SMCHD1: variants seen among roughly 807,000 people sequenced by gnomAD.
SMCHD1 encodes the protein structural maintenance of chromosomes flexible hinge domain-containing protein 1.
In SMCHD1, 78 loss-of-function variants were observed where a neutral mutation model predicts 254.7. That is an observed-to-expected ratio of 0.31 (90% CI 0.26 to 0.37). The LOEUF (loss-of-function observed/expected upper bound fraction) is 0.37, where lower values mean the gene tolerates loss of function less well. SMCHD1 is among the 10% of genes least tolerant of loss of function. SMCHD1 has a pLI of 1.00. For synonymous variants in SMCHD1, 766 were observed against 794.9 expected, an observed-to-expected ratio of 0.96 and a Z score of 0.61; for missense variants, 1,840 against 2,408.1, an observed-to-expected ratio of 0.76 and a Z score of 4.94.
chr18:2,756,973 CTT>C (rs1466524624), intron 34 of SMCHD1, among the ~76,000 whole-genome samples: 2 of 152,012 alleles, frequency 1.3e-5, no homozygotes, highest in African/African-American at 2.4e-5. Flanking sequence ...AAAGAACAAA[CTT>C]TGGGCTTTTA....
chr18:2,667,283 C>T (rs1250558661), intron 3 of SMCHD1, among the ~76,000 whole-genome samples: 1 of 152,168 alleles, frequency 6.6e-6, no homozygotes, highest in Non-Finnish European at 1.5e-5. Flanking sequence ...GGGGTCTTGA[C>T]CTATACAGCT....
At position 2,657,981 on chromosome 18, in the gene SMCHD1, G is replaced by A. The variant is rs377488140; in HGVS notation, c.186+1720G>A. On this transcript the variant is annotated intron_variant, in intron 1 of 47. Transcript: ENST00000320876. ...TTTTTTTCGTATTTTTCGTACATAC[G>A]GGGGTTTGGCTGTGTTGCCCAGGCT... is the stretch of plus-strand genomic sequence containing the variant. 7.3e-4 allele frequency among the ~76,000 whole-genome samples: 110 copies of A among 151,506 alleles called. 2 individuals are homozygous for A. In the South Asian group the frequency reaches 0.019, roughly 26 times the overall value.
intron 7 of SMCHD1, among the ~76,000 whole-genome samples, chr18:2,694,171 T>G (rs7242038): frequency 0.2 from 31,094 of 152,110 alleles, 3,419 homozygotes; most frequent in East Asian, 0.33. Flanking sequence ...AAGTGGTAGG[T>G]CTCCCAAGCA....
rs561439889 is a variant in SMCHD1 at position 2,748,380 on chromosome 18, G to GTGTGTGTATA, written c.3927+736_3927+737insGTGTATATGT. Among the ~76,000 whole-genome samples the GTGTGTGTATA allele has an allele frequency of 1.9e-4, 15 of 80,248 alleles. 1 individual carries two copies. Among genetic ancestry groups the GTGTGTGTATA allele is most frequent in the African/African-American group, 6.9e-4 (10 of 14,560 alleles). The allele number at this position is 80,248 out of a possible 152,430, so 52.6% of individuals were successfully genotyped here. A position where few individuals can be genotyped will look rare whatever the true frequency, so the allele number is the denominator to read the frequency against. Reference sequence around the variant, plus strand: ...TGTGTGTGTGTGTGTGTGTGTGTGTGTGTATATAAATTTTTTTTTTTTTTT... The same window carrying GTGTGTGTATA: ...TGTGTGTGTGTGTGTGTGTGTGTGTGTGTGTGTATATGTATATAAATTTTTTTTTTTTTTT... On this transcript the variant is annotated intron_variant, in intron 30 of 47. Coordinates refer to ENST00000320876, the MANE Select transcript of SMCHD1 (RefSeq NM_015295.3).
chr18:2,741,442 T>C (rs1366774258), intron 28 of SMCHD1, among the ~76,000 whole-genome samples: 1 of 152,182 alleles, frequency 6.6e-6, no homozygotes, highest in African/African-American at 2.4e-5. Context: ...ATTTAGATCA[T>C]TGAATGCTTT....
chr18:2,778,354 A>T, intron 44 of SMCHD1, 115 bp downstream of exon 44: 2 of 683,448 alleles, frequency 2.9e-6, no homozygotes, highest in Non-Finnish European at 4.7e-6. Context: ...AAATTCTGCA[A>T]ATTGATAAGC....
chr18:2,675,262 C>CTTTT (rs35137947), intron 5 of SMCHD1, among the ~76,000 whole-genome samples: 6 of 129,684 alleles, frequency 4.6e-5, no homozygotes, highest in Non-Finnish European at 8.1e-5. Flanking sequence ...TGACCTCAGC[C>CTTTT]TTTTTTTTTT....
intron 34 of SMCHD1, among the ~76,000 whole-genome samples, chr18:2,755,098 A>C (rs1273112981): frequency 6.6e-6 from 1 of 152,112 alleles, no homozygotes; most frequent in Non-Finnish European, 1.5e-5. Context: ...TATGTCACCC[A>C]GGCTGTAGTG....
chr18:2,701,126 G>C, intron 12 of SMCHD1: 1 of 369,454 alleles, frequency 2.7e-6, no homozygotes, highest in Non-Finnish European at 4.8e-6. Context: ...TAAAGACTAG[G>C]TTTGGATAGA....
intron 3 of SMCHD1, among the ~76,000 whole-genome samples, 191 bp downstream of exon 3, chr18:2,667,222 ACT>A (rs1355454385): frequency 2.6e-5 from 4 of 151,806 alleles, no homozygotes; most frequent in Non-Finnish European, 5.9e-5. Context: ...GTGAAAAAAA[ACT>A]CTCCTTTAAA....
intron 1 of SMCHD1, among the ~76,000 whole-genome samples, chr18:2,661,248 T>TG (rs1453448117): frequency 6.6e-6 from 1 of 151,922 alleles, no homozygotes; most frequent in African/African-American, 2.4e-5. Context: ...AAATCCTAGA[T>TG]GACAGGTTGA....
chr18:2,666,836 A>T lies in SMCHD1; in HGVS notation c.263-34A>T, dbSNP rs1598283945. The T allele has an allele frequency of 2.5e-6, 4 of 1,571,766 alleles. 1 individual carries two copies. In the Middle Eastern group the frequency reaches 6.8e-4, roughly 267 times the overall value. ...TAAGTTCATTGAGTTTCTGATGCTG[A>T]CCTAGCACTTATGATTTTCACTCTT... On this transcript the variant is annotated intron_variant, in intron 2 of 47. Coordinates refer to ENST00000320876, the MANE Select transcript of SMCHD1 (RefSeq NM_015295.3).
At chr18:2,672,937 G>A (rs2073652220) in intron 3 of SMCHD1, 1 of 332,402 alleles carries the variant, frequency 3.0e-6, no homozygotes, top group South Asian at 1.2e-4. Context: ...TGTGCTTGAT[G>A]TAATTACATA....
Position 2,666,852 on chromosome 18 carries a change from T to A in SMCHD1, c.263-18T>A. ...CTGATGCTGACCTAGCACTTATGAT[T>A]TTCACTCTTGATTACAGATGAAACT... On this transcript the variant is annotated intron_variant, in intron 2 of 47. Transcript: ENST00000320876. The A allele has an allele frequency of 6.3e-7, 1 of 1,596,838 alleles. No homozygotes were observed. Among genetic ancestry groups the A allele is most frequent in the East Asian group, 2.2e-5 (1 of 44,578 alleles).
chr18:2,775,608 T>C, intron 41 of SMCHD1, 126 bp from the exon 42 acceptor site: 1 of 647,260 alleles, frequency 1.5e-6, no homozygotes, highest in Non-Finnish European at 2.4e-6. Flanking sequence ...TTTGACAACT[T>C]GACAGTTTAT....
intron 24 of SMCHD1, among the ~76,000 whole-genome samples, chr18:2,731,864 A>AT (rs1238272037): frequency 6.6e-6 from 1 of 152,048 alleles, no homozygotes; most frequent in Non-Finnish European, 1.5e-5. Flanking sequence ...TACAAAAATT[A>AT]TCCATGCATG....
At chr18:2,708,907 T>TATATATATATAGA (rs769432583) in intron 17 of SMCHD1, among the ~76,000 whole-genome samples, 1 of 44,702 alleles carries the variant, frequency 2.2e-5, no homozygotes, top group African/African-American at 8.4e-5. Flanking sequence ...TATATATATA[T>TATATATATATAGA]AACATATTAA....
At position 2,743,756 on chromosome 18, in the gene SMCHD1, A is replaced by G; in HGVS notation, c.3634-5A>G. On this transcript the variant is annotated splice_region_variant and splice_polypyrimidine_tract_variant and intron_variant, in intron 28 of 47. Transcript: ENST00000320876. ...TGTCTTTCTCAATGTACTTTTCCTC[A>G]CTAGGAAAACACACAGAGTATAAGT... is the stretch of plus-strand genomic sequence containing the variant. 1 of 1,581,548 alleles carries G rather than the reference A, an allele frequency of 6.3e-7. No individual in the cohort carries two copies. The highest frequency in any genetic ancestry group is 1.1e-5 in the South Asian group (1 of 87,254).
intron 17 of SMCHD1, among the ~76,000 whole-genome samples, chr18:2,713,946 G>T (rs1016479878): frequency 2.0e-5 from 3 of 152,140 alleles, no homozygotes; most frequent in Non-Finnish European, 2.9e-5. Flanking sequence ...TGTATATTCC[G>T]CAGAATAATG....
Sources: allele counts gnomAD v4.1 joint callset (sites outside exome capture counted in the v4.1 genomes callset), GRCh38; gene constraint gnomAD v4.1.1; transcripts MANE v1.5; gene names NCBI Gene and HGNC (gene_info 2026-07-23, HGNC 2026-07-21).